CCDC61: variants seen among roughly 807,000 people sequenced by gnomAD.
CCDC61 encodes the protein centrosomal protein CCDC61.
In CCDC61, 55 loss-of-function variants were observed where a neutral mutation model predicts 63.0. The ratio of observed to expected loss-of-function variants is 0.87; its 90% CI spans 0.70 to 1.09. The LOEUF (loss-of-function observed/expected upper bound fraction) is 1.09. Ranked by LOEUF, CCDC61 falls within the 50% of genes least tolerant of loss-of-function variation. The pLI, the probability that CCDC61 is intolerant of heterozygous loss-of-function variation, is 0.00. For missense variants in CCDC61, 651 were observed against 731.4 expected, an observed-to-expected ratio of 0.89 and a Z score of 1.27; for synonymous variants, 270 against 317.0, an observed-to-expected ratio of 0.85 and a Z score of 1.58.
chr19:46,001,077 T>C (rs535502899), intron 1 of CCDC61, among the ~76,000 whole-genome samples: 109 of 140,494 alleles, frequency 7.8e-4, no homozygotes, highest in African/African-American at 2.7e-3. Context: ...TCGCCGCTGA[T>C]AGGTTCTGGG....
chr19:46,005,968 C>A (rs1968701001), intron 3 of CCDC61, among the ~76,000 whole-genome samples: 1 of 152,102 alleles, frequency 6.6e-6, no homozygotes, highest in Non-Finnish European at 1.5e-5. Flanking sequence ...GCTCTAGGGG[C>A]TGAATTCAAT....
chr19:46,013,531 A>G (rs746496568), intron 5 of CCDC61, among the ~76,000 whole-genome samples: 1 of 152,156 alleles, frequency 6.6e-6, no homozygotes, highest in Non-Finnish European at 1.5e-5. Flanking sequence ...TTTATCTTAA[A>G]CAATACCAGT....
rs781435168 is a variant in CCDC61 at position 46,016,742 on chromosome 19, G to T, written c.1140G>T (p.Pro380=). The change falls in exon 10 of 14, where the codon CCG becomes CCT. Residue 380 remains proline, a synonymous_variant. Transcript: ENST00000595358. The surrounding 1 kb of genome is among the most constrained non-coding windows in gnomAD (Gnocchi z 7.2). ...RLGSGGSGDG[P]SVSWSRQTQP... The stretch of plus-strand genomic sequence containing the variant: ...GCAGTGGGGGAAGCGGGGACGGTCC[G>T]TCCGTCTCCTGGTCTCGCCAGACCC... 6.2e-7 allele frequency: 1 copy of T among 1,605,318 alleles called. No homozygotes were observed. Among genetic ancestry groups the T allele is most frequent in the South Asian group, 1.1e-5 (1 of 89,426 alleles).
At chr19:45,996,583 A>G (rs1254604590) in intron 1 of CCDC61, among the ~76,000 whole-genome samples, 1 of 152,158 alleles carries the variant, frequency 6.6e-6, no homozygotes, top group Non-Finnish European at 1.5e-5. Context: ...TATTTTTAGT[A>G]GAGAAGGGGT....
In CCDC61 at chr19:46,003,383, G is replaced by C; in HGVS notation, c.149-36G>C. 3 of 1,590,832 alleles carry C rather than the reference G, an allele frequency of 1.9e-6. No homozygotes were observed. The Middle Eastern group carries it at 5.0e-4, about 264-fold the overall frequency. ...TGCATTGCCCTGGGGCTGGGCAAGC[G>C]GTCAGACCTCAGGAGAGACTTTTCT... is the stretch of plus-strand genomic sequence containing the variant. On this transcript the variant is annotated intron_variant, in intron 2 of 13. Coordinates refer to ENST00000595358, the MANE Select transcript of CCDC61 (RefSeq NM_001267723.2).
intron 3 of CCDC61, among the ~76,000 whole-genome samples, chr19:46,005,530 T>C (rs1336249148): frequency 1.3e-5 from 2 of 152,162 alleles, no homozygotes; most frequent in African/African-American, 4.8e-5. Context: ...CATTTCCTTA[T>C]ATAATATCCA....
intron 3 of CCDC61, 49 bp from the exon 4 acceptor site, chr19:46,006,510 T>A (rs747728791): frequency 1.4e-5 from 21 of 1,474,194 alleles, no homozygotes; most frequent in Non-Finnish European, 1.9e-5. Context: ...GTGCCCTCCG[T>A]GTGGCAGTGG....
chr19:46,018,057 T>G lies in CCDC61; in HGVS notation c.1369-21T>G. On this transcript the variant is annotated intron_variant, in intron 12 of 13. Coordinates refer to ENST00000595358, the MANE Select transcript of CCDC61 (RefSeq NM_001267723.2). This position sits in a 1 kb window ranked among gnomAD's most constrained non-coding sequence, Gnocchi z 4.2. ...TAGAGGGACGGTGGGTGACCCCCTT[T>G]CCTACCTTCCCCATCACCAGAAGTC... is the stretch of plus-strand genomic sequence containing the variant. The G allele has an allele frequency of 1.3e-6, 2 of 1,598,586 alleles. No individual in the cohort carries two copies. The highest frequency in any genetic ancestry group is 3.4e-4 in the Middle Eastern group (2 of 5,852).
chr19:46,000,768 G>C (rs1277826202), intron 1 of CCDC61, among the ~76,000 whole-genome samples: 1 of 151,472 alleles, frequency 6.6e-6, no homozygotes, highest in African/African-American at 2.4e-5. Flanking sequence ...TGTGCAAGGG[G>C]AATTGAGTTT....
In CCDC61 at chr19:46,016,992, G is replaced by A; in HGVS notation, c.1233G>A (p.Val411=). 1 of 1,610,928 alleles carries A rather than the reference G, an allele frequency of 6.2e-7. No homozygotes were observed. Among genetic ancestry groups the A allele is most frequent in the South Asian group, 1.1e-5 (1 of 90,138 alleles). Residue 411 remains valine, a splice_region_variant and synonymous_variant, in exon 11 of 14, where the codon GTG becomes GTA. Transcript: ENST00000595358. This position sits in a 1 kb window ranked among gnomAD's most constrained non-coding sequence, Gnocchi z 7.2. ...GTCACGCCCTCCGTCTCCCTCTAGT[G>A]GACAGTTTCCGCAGCCGCTGCTCGT... The part of the protein sequence containing the change: ...PNRSRNRSSS[V]DSFRSRCSSA...
intron 1 of CCDC61, 88 bp from the exon 2 acceptor site, chr19:46,002,920 G>C (rs1968617622): frequency 7.5e-7 from 1 of 1,325,508 alleles, no homozygotes; most frequent in Non-Finnish European, 1.1e-6. Context: ...GCTGGTAAAT[G>C]ATGGAGCCAG....
At chr19:46,000,826 G>T (rs965064804) in intron 1 of CCDC61, among the ~76,000 whole-genome samples, 7 of 151,932 alleles carry the variant, frequency 4.6e-5, no homozygotes, top group Non-Finnish European at 1.0e-4. Flanking sequence ...GCGGGGTGGG[G>T]GCTAAGGACA....
chr19:46,016,401 C>G lies in CCDC61; in HGVS notation c.1091+8C>G, dbSNP rs1267339833. The G allele has an allele frequency of 6.2e-7, 1 of 1,613,062 alleles. No individual in the cohort carries two copies. The highest frequency in any genetic ancestry group is 1.3e-5 in the African/African-American group (1 of 74,942). ...GAGAGAGATCCAGATGAAGTCAGTG[C>G]CCCTTCCTCCCTCACCTGCCCCTGT... On this transcript the variant is annotated splice_region_variant and intron_variant, in intron 9 of 13. Coordinates refer to ENST00000595358, the MANE Select transcript of CCDC61 (RefSeq NM_001267723.2). The surrounding 1 kb of genome is among the most constrained non-coding windows in gnomAD (Gnocchi z 7.2).
chr19:46,004,575 C>T (rs1968661945), intron 3 of CCDC61, among the ~76,000 whole-genome samples: 1 of 152,166 alleles, frequency 6.6e-6, no homozygotes, highest in African/African-American at 2.4e-5. Flanking sequence ...AGCAATTCTC[C>T]TGCCTCAGCC....
chr19:46,016,691 C>T lies in CCDC61; in HGVS notation c.1092-3C>T, dbSNP rs370235806. The T allele has an allele frequency of 1.2e-3, 1,863 of 1,611,830 alleles. 4 individuals carry two copies. The highest frequency in any genetic ancestry group is 1.5e-3 in the Non-Finnish European group (1,758 of 1,179,358). On this transcript the variant is annotated splice_polypyrimidine_tract_variant and splice_region_variant and intron_variant, in intron 9 of 13. Coordinates refer to ENST00000595358, the MANE Select transcript of CCDC61 (RefSeq NM_001267723.2). This position sits in a 1 kb window ranked among gnomAD's most constrained non-coding sequence, Gnocchi z 7.2. ...GACCGGCGTCTCCTTTCTTTTTTCC[C>T]AGGCAGCAGCAGCGGAACCGCTTAG... is the stretch of plus-strand genomic sequence containing the variant.
At chr19:46,008,324 GC>G in intron 5 of CCDC61, 23 bp downstream of exon 5, 1 of 897,120 alleles carries the variant, frequency 1.1e-6, no homozygotes, top group Non-Finnish European at 1.7e-6. Flanking sequence ...GGGGTGGGCA[GC>G]TGGGGCGGGT....
At chr19:45,999,410 G>C (rs1968550199) in intron 1 of CCDC61, among the ~76,000 whole-genome samples, 1 of 152,232 alleles carries the variant, frequency 6.6e-6, no homozygotes, top group South Asian at 2.1e-4. Context: ...ATCCAGGCCA[G>C]GCCACGCGTG....
At chr19:46,014,296 C>T (rs1000757134) in intron 5 of CCDC61, among the ~76,000 whole-genome samples, 6 of 151,940 alleles carry the variant, frequency 3.9e-5, no homozygotes, top group Non-Finnish European at 8.8e-5. Context: ...TCCTTTTTTC[C>T]CCCATAGATT....
chr19:46,011,819 T>C (rs1471045584), intron 5 of CCDC61, among the ~76,000 whole-genome samples: 2 of 152,236 alleles, frequency 1.3e-5, no homozygotes, highest in African/African-American at 4.8e-5. Flanking sequence ...TTTTCTTTTT[T>C]TGAGACCGAG....
Sources: allele counts gnomAD v4.1 joint callset (sites outside exome capture counted in the v4.1 genomes callset), GRCh38; gene constraint gnomAD v4.1.1; non-coding constraint Gnocchi (gnomAD v3.1); transcripts MANE v1.5; gene names NCBI Gene and HGNC (gene_info 2026-07-23, HGNC 2026-07-21).